Variants in AEBP2 observed in about 807,000 individuals in gnomAD.
The protein encoded by AEBP2 is zinc finger protein AEBP2.
A neutral mutation model predicts 50.8 loss-of-function variants in AEBP2; 10 were observed. The ratio of observed to expected loss-of-function variants is 0.20; its 90% CI spans 0.12 to 0.33. The LOEUF (loss-of-function observed/expected upper bound fraction) is 0.33, where lower values mean the gene tolerates loss of function less well. Among genes scored for constraint, AEBP2 ranks in the 10% least tolerant of loss-of-function variants. AEBP2 has a pLI of 1.00. For synonymous variants in AEBP2, 296 were observed against 261.3 expected (o/e 1.13, Z -1.28); for missense variants, 570 against 688.0 (o/e 0.83, Z 1.92).
chr12:19,458,797 C>T (rs1948319250), intron 1 of AEBP2, among the ~76,000 whole-genome samples: 1 of 152,144 alleles, frequency 6.6e-6, no homozygotes, highest in South Asian at 2.1e-4. Context: ...ATAGGTACAG[C>T]ATGGTTAAAA....
chr12:19,494,922 T>C (rs1189720148), intron 4 of AEBP2, among the ~76,000 whole-genome samples: 1 of 152,194 alleles, frequency 6.6e-6, no homozygotes, highest in African/African-American at 2.4e-5. Flanking sequence ...TATTATTATT[T>C]TTTTGATGGG....
rs1948464778 is a variant in AEBP2, at chr12:19,465,883, C to T, written c.879+3166C>T. On this transcript the variant is annotated intron_variant, in intron 2 of 7. Coordinates refer to ENST00000266508, the MANE Select transcript of AEBP2 (RefSeq NM_153207.5). ...CTCAGCTCACTACAGCCTCCGTCTC[C>T]TGGGTTCAAGCAATTCTGCTGCCTC... Among the ~76,000 whole-genome samples the T allele has an allele frequency of 2.7e-5, 4 of 150,086 alleles. No homozygotes were observed. The South Asian group carries it at 8.4e-4, about 32-fold the overall frequency.
chr12:19,440,579 C>A lies in AEBP2; in HGVS notation c.671+209C>A, dbSNP rs1031470474. 36 of 1,444,640 alleles carry A rather than the reference C, an allele frequency of 2.5e-5. No homozygotes were observed. The East Asian group carries it at 6.9e-4, about 28-fold the overall frequency. 89.5% of individuals were successfully genotyped at this position (1,444,640 alleles called of 1,614,324 possible). ...CTTCCAACTCTCAAACCGTTCCCCCCCAACTCTCCTTTCCCCGCCCTCTTT... is the reference window on the plus strand; with the variant it reads ...CTTCCAACTCTCAAACCGTTCCCCCACAACTCTCCTTTCCCCGCCCTCTTT... On this transcript the variant is annotated intron_variant, in intron 1 of 7. Transcript: ENST00000266508.
chr12:19,498,813 A>G (rs1050126040), intron 4 of AEBP2, among the ~76,000 whole-genome samples: 4 of 152,264 alleles, frequency 2.6e-5, no homozygotes, highest in Middle Eastern at 3.4e-3. Flanking sequence ...TTTTTTGATC[A>G]CACTAAAATA....
chr12:19,453,850 G>C (rs1948211754), intron 1 of AEBP2, among the ~76,000 whole-genome samples: 3 of 151,576 alleles, frequency 2.0e-5, no homozygotes, highest in Non-Finnish European at 4.4e-5. Context: ...CTGGAGTGCG[G>C]TGGAGGCGGG....
At chr12:19,475,049 C>T (rs1016674277) in intron 3 of AEBP2, among the ~76,000 whole-genome samples, 10 of 152,128 alleles carry the variant, frequency 6.6e-5, no homozygotes, top group Admixed American at 5.9e-4. Flanking sequence ...CCTTGGCCTC[C>T]CAAAGTGCTG....
Position 19,518,392 on chromosome 12 carries a change from G to C in AEBP2, c.*275G>C, listed in dbSNP as rs1448243999. On this transcript the variant is annotated 3_prime_UTR_variant, in exon 8 of 8. Coordinates refer to ENST00000266508, the MANE Select transcript of AEBP2 (RefSeq NM_153207.5). ...GAGCAAACACTCTTTTGGCAACTTA[G>C]TAGAACAGCTTCTTAAAGGCTTTGC... 3.3e-6 allele frequency: 4 copies of C among 1,228,944 alleles called. No homozygotes were observed. Among genetic ancestry groups the C allele is most frequent in the Non-Finnish European group, 4.1e-6 (4 of 984,478 alleles). The allele number at this position is 1,228,944 out of a possible 1,614,324, so 76.1% of individuals were successfully genotyped here.
chr12:19,433,565 A>G (rs182338611), intron 1 of AEBP2, among the ~76,000 whole-genome samples: 2 of 152,172 alleles, frequency 1.3e-5, no homozygotes, highest in African/African-American at 4.8e-5. Context: ...GGATCACATT[A>G]GGTCAGGAGT....
At chr12:19,505,381 CTA>C (rs1949141670) in intron 5 of AEBP2, among the ~76,000 whole-genome samples, 1 of 152,098 alleles carries the variant, frequency 6.6e-6, no homozygotes, top group East Asian at 1.9e-4. Context: ...GAGCCAGGTA[CTA>C]ATGTAATGAC....
rs191712144 is a variant in AEBP2, at chr12:19,419,708, T to C, written c.-17+15492T>C. Reference sequence around the variant, plus strand: ...ACTTTGGGAGGCCGAAGCGGGCAGATAGACTGAACTCCGGAGTTTGAGACT... The same window carrying C: ...ACTTTGGGAGGCCGAAGCGGGCAGACAGACTGAACTCCGGAGTTTGAGACT... On this transcript the variant is annotated intron_variant, in intron 1 of 3. Transcript: ENST00000538425. Among the ~76,000 whole-genome samples the C allele has an allele frequency of 4.0e-3, 611 of 152,160 alleles. 4 individuals carry two copies. The highest frequency in any genetic ancestry group is 0.014 in the African/African-American group (561 of 41,522).
rs373287139 is a variant in AEBP2 at position 19,409,419 on chromosome 12, A to G, written c.-17+5203A>G. ...GGAAAAATAAAAAAAGAGAGAATGA[A>G]TATCTTGTCCCAAAGGGTTAAAACC... On this transcript the variant is annotated intron_variant, in intron 1 of 3. Transcript: ENST00000538425. Among the ~76,000 whole-genome samples, 285 of 152,296 alleles carry G rather than the reference A, an allele frequency of 1.9e-3. 11 individuals are homozygous for G. In the South Asian group the frequency reaches 0.057, roughly 30 times the overall value.
chr12:19,482,323 A>G (rs967508627), intron 3 of AEBP2, among the ~76,000 whole-genome samples: 1 of 152,118 alleles, frequency 6.6e-6, no homozygotes, highest in Admixed American at 6.5e-5. Context: ...AGGGGAGTGA[A>G]GTGGACTCTT....
At chr12:19,475,128 A>G (rs1948628334) in intron 3 of AEBP2, among the ~76,000 whole-genome samples, 1 of 152,090 alleles carries the variant, frequency 6.6e-6, no homozygotes, top group Non-Finnish European at 1.5e-5. Context: ...TACATTGGAT[A>G]AATTCCTTAG....
chr12:19,436,250 C>T (rs1196326852), upstream of AEBP2, among the ~76,000 whole-genome samples: 6 of 152,144 alleles, frequency 3.9e-5, no homozygotes, highest in African/African-American at 1.4e-4. Context: ...ATGCCAATGT[C>T]GGGAAGTTAC....
At chr12:19,439,344 G>A (rs1352476967), upstream of AEBP2, among the ~76,000 whole-genome samples, 1 of 148,410 alleles carries the variant, frequency 6.7e-6, no homozygotes, top group African/African-American at 2.4e-5. Context: ...GGCGTGGGAA[G>A]GCCCCGAGGA....
intron 5 of AEBP2, among the ~76,000 whole-genome samples, chr12:19,507,277 A>G (rs752170837): frequency 1.4e-4 from 21 of 152,292 alleles, no homozygotes; most frequent in Middle Eastern, 3.4e-3. Flanking sequence ...CTCTACAGAT[A>G]AGGGAGAAGT....
At chr12:19,501,509 C>T (rs1330254688) in intron 5 of AEBP2, among the ~76,000 whole-genome samples, 10 of 151,926 alleles carry the variant, frequency 6.6e-5, no homozygotes, top group Admixed American at 5.9e-4. Flanking sequence ...TAGTGGTGTG[C>T]ACCTGTAGTC....
At chr12:19,458,846 C>T (rs556436578) in intron 1 of AEBP2, among the ~76,000 whole-genome samples, 1 of 152,186 alleles carries the variant, frequency 6.6e-6, no homozygotes, top group Non-Finnish European at 1.5e-5. Flanking sequence ...ATAAGTTTCT[C>T]TCCCACTCTT....
At chr12:19,443,704 C>T (rs984301904) in intron 1 of AEBP2, among the ~76,000 whole-genome samples, 4 of 151,922 alleles carry the variant, frequency 2.6e-5, no homozygotes, top group African/African-American at 9.7e-5. Context: ...GCGTGGGCGA[C>T]AGAGCAAGAC....
Sources: gnomAD v4.1 joint callset for allele counts (sites outside exome capture counted in the v4.1 genomes callset) on GRCh38, gnomAD v4.1.1 for gene constraint, MANE v1.5 for transcripts, NCBI Gene and HGNC (gene_info 2026-07-23, HGNC 2026-07-21) for gene names.